NXPE4: variants seen among roughly 807,000 people sequenced by gnomAD.
NXPE4 encodes NXPE family member 4.
NXPE4 carries 42 observed loss-of-function variants against 33.3 expected under a neutral mutation model. The observed-to-expected ratio is 1.26, with a 90% confidence interval of 0.98 to 1.63. NXPE4 has a LOEUF of 1.63. Ranked by LOEUF, NXPE4 falls within the 40% of genes most tolerant of loss-of-function variation. The probability of loss-of-function intolerance (pLI) is 0.00; values close to 1 mark genes in which losing one functional copy is unlikely to be tolerated. For synonymous variants in NXPE4, 253 were observed against 234.9 expected (o/e 1.08, Z -0.71); for missense variants, 709 against 647.6 (o/e 1.09, Z -1.03).
chr11:114,638,941 C>G, the NXPE4 span, among the ~76,000 whole-genome samples: 2 of 151,988 alleles, frequency 1.3e-5, no homozygotes, highest in Non-Finnish European at 2.9e-5. Flanking sequence ...AGGAGGCAGT[C>G]TGCCCATTTT....
At chr11:114,673,154 T>A in the NXPE4 span, among the ~76,000 whole-genome samples, 1 of 150,088 alleles carries the variant, frequency 6.7e-6, no homozygotes, top group Non-Finnish European at 1.5e-5. Flanking sequence ...GGAATGAAAT[T>A]AGAAATTGGT....
chr11:114,604,734 G>T, the NXPE4 span, among the ~76,000 whole-genome samples: 4 of 151,204 alleles, frequency 2.6e-5, no homozygotes, highest in Non-Finnish European at 5.9e-5. Flanking sequence ...ACTGTTACTC[G>T]GTGGATAATA....
At chr11:114,664,591 G>A in the NXPE4 span, among the ~76,000 whole-genome samples, 1 of 152,138 alleles carries the variant, frequency 6.6e-6, no homozygotes, top group Non-Finnish European at 1.5e-5. Flanking sequence ...CTCCTTGAAA[G>A]TACAGATTCC....
intron 2 of NXPE4, among the ~76,000 whole-genome samples, chr11:114,588,275 A>G (rs1293203035): frequency 1.3e-5 from 2 of 152,128 alleles, no homozygotes; most frequent in Non-Finnish European, 2.9e-5. Flanking sequence ...TTATCCTTAC[A>G]GGAAATGCTC....
chr11:114,660,814 C>T, the NXPE4 span, among the ~76,000 whole-genome samples: 10 of 152,040 alleles, frequency 6.6e-5, no homozygotes, highest in African/African-American at 1.7e-4. Context: ...TACATATTTT[C>T]ACAGCCAATA....
At chr11:114,633,354 T>C in the NXPE4 span, among the ~76,000 whole-genome samples, 1 of 142,634 alleles carries the variant, frequency 7.0e-6, no homozygotes, top group Non-Finnish European at 1.5e-5. Context: ...ATGATTATAT[T>C]ATATATACTA....
chr11:114,632,844 AAAT>A, the NXPE4 span, among the ~76,000 whole-genome samples: 1 of 9,602 alleles, frequency 1.0e-4, no homozygotes, highest in Non-Finnish European at 1.8e-4. Context: ...ATATATTATA[AAAT>A]TATATAATTA....
chr11:114,654,309 AG>A, the NXPE4 span, among the ~76,000 whole-genome samples: 1 of 152,200 alleles, frequency 6.6e-6, no homozygotes, highest in Non-Finnish European at 1.5e-5. Context: ...ACCGGATCTC[AG>A]GAAAGTTGTT....
At chr11:114,621,079 GATA>G in the NXPE4 span, among the ~76,000 whole-genome samples, 18 of 152,222 alleles carry the variant, frequency 1.2e-4, no homozygotes, top group Admixed American at 9.8e-4. Flanking sequence ...TTACCCCGTG[GATA>G]ATAAGTATTG....
At chr11:114,606,222 G>T in the NXPE4 span, among the ~76,000 whole-genome samples, 2 of 151,638 alleles carry the variant, frequency 1.3e-5, no homozygotes, top group African/African-American at 4.9e-5. Flanking sequence ...TTGCCTCATG[G>T]GTAACCACTG....
At chr11:114,619,110 T>C in the NXPE4 span, among the ~76,000 whole-genome samples, 1 of 151,822 alleles carries the variant, frequency 6.6e-6, no homozygotes, top group Non-Finnish European at 1.5e-5. Context: ...GCACTGTGGA[T>C]AATAAGTGTT....
chr11:114,600,517 T>C (rs1164341782), upstream of NXPE4, among the ~76,000 whole-genome samples: 1 of 152,104 alleles, frequency 6.6e-6, no homozygotes, highest in African/African-American at 2.4e-5. Flanking sequence ...AATGTAATTA[T>C]GAGAAAATTT....
Position 114,580,262 on chromosome 11 carries a change from G to A in NXPE4, c.969C>T (p.Asn323=). 2 of 1,613,976 alleles carry A rather than the reference G, an allele frequency of 1.2e-6. No homozygotes were observed. Among genetic ancestry groups the A allele is most frequent in the South Asian group, 1.1e-5 (1 of 91,080 alleles). ...STIPSGHVWR[N]TWNPVSCSLA... ...AACTACAGGAGACAGGATTCCATGT[G>A]TTTCTCCAGACATGCCCACTGGGGA... The change falls in exon 5 of 6, where the codon AAC becomes AAT. Residue 323 remains asparagine (N), a synonymous_variant. Transcript: ENST00000375478.
At chr11:114,635,480 G>C in the NXPE4 span, among the ~76,000 whole-genome samples, 1 of 151,768 alleles carries the variant, frequency 6.6e-6, no homozygotes, top group Non-Finnish European at 1.5e-5. Context: ...TAATTGCCCT[G>C]GCCAGAACTT....
At position 114,571,477 on chromosome 11, in the gene NXPE4, A is replaced by T. The variant is rs368505292; in HGVS notation, c.1100-4T>A. 5.0e-5 allele frequency: 80 copies of T among 1,589,716 alleles called. No individual in the cohort carries two copies. Among genetic ancestry groups the T allele is most frequent in the African/African-American group, 1.7e-4 (13 of 74,324 alleles). ...TGCAGATCCACTGACTTCAGTGCTG[A>T]TAACAAATAGGCAATCCCAAAATAA... On this transcript the variant is annotated splice_polypyrimidine_tract_variant and splice_region_variant and intron_variant, in intron 5 of 5. Transcript: ENST00000375478.
chr11:114,618,885 C>T, the NXPE4 span, among the ~76,000 whole-genome samples: 4 of 151,996 alleles, frequency 2.6e-5, no homozygotes, highest in African/African-American at 7.2e-5. Flanking sequence ...TGGGTCACCA[C>T]TGTTACCCGG....
At chr11:114,609,734 G>C in the NXPE4 span, among the ~76,000 whole-genome samples, 20 of 151,256 alleles carry the variant, frequency 1.3e-4, no homozygotes, top group East Asian at 2.8e-3. Context: ...ATTGCCTCAT[G>C]GATAACCACT....
At chr11:114,631,438 C>G in the NXPE4 span, among the ~76,000 whole-genome samples, 1,591 of 147,498 alleles carry the variant, frequency 0.011, 22 homozygotes, top group African/African-American at 0.036. Context: ...AAACCAAACA[C>G]TGCATATTCT....
the NXPE4 span, among the ~76,000 whole-genome samples, chr11:114,651,801 A>C: frequency 2.9e-4 from 44 of 152,334 alleles, no homozygotes; most frequent in African/African-American, 1.0e-3. Flanking sequence ...CTAGACACAG[A>C]GTGCTGATTG....
Sources: allele counts gnomAD v4.1 joint callset (sites outside exome capture counted in the v4.1 genomes callset), GRCh38; gene constraint gnomAD v4.1.1; transcripts MANE v1.5; gene names NCBI Gene and HGNC (gene_info 2026-07-23, HGNC 2026-07-21).